Variants in ENGASE observed in about 807,000 individuals in gnomAD.
ENGASE encodes the protein cytosolic endo-beta-N-acetylglucosaminidase.
ENGASE carries 69 observed loss-of-function variants against 78.5 expected under a neutral mutation model. The ratio of observed to expected loss-of-function variants is 0.88; its 90% CI spans 0.72 to 1.07. The LOEUF is 1.07. ENGASE is among the 50% of genes least tolerant of loss of function. The pLI is 0.00. For missense variants in ENGASE, 943 were observed against 988.4 expected (o/e 0.95, Z 0.62); for synonymous variants, 408 against 408.9 (o/e 1.00, Z 0.03).
chr17:79,082,149 C>T (rs2073160120), intron 7 of ENGASE, 86 bp downstream of exon 7: 6 of 1,609,826 alleles, frequency 3.7e-6, no homozygotes, highest in African/African-American at 1.3e-5. Context: ...TTCCCGTCTG[C>T]ACCTCAAAGG....
In ENGASE at chr17:79,086,370, G is replaced by A. The variant is rs561925577; in HGVS notation, c.*21G>A. The stretch of plus-strand genomic sequence containing the variant: ...CATGAGCGGATGCTAAGGCCGGGTG[G>A]TCTCCTGGCCTCGGGCTGAGGCCTC... On this transcript the variant is annotated 3_prime_UTR_variant, in exon 14 of 14. Coordinates refer to ENST00000579016, the MANE Select transcript of ENGASE (RefSeq NM_001042573.3). 2.5e-6 allele frequency: 4 copies of A among 1,596,918 alleles called. No individual in the cohort carries two copies. Among genetic ancestry groups the A allele is most frequent in the Middle Eastern group, 1.7e-4 (1 of 5,938 alleles).
intron 11 of ENGASE, among the ~76,000 whole-genome samples, chr17:79,084,953 A>C (rs2073249307): frequency 6.6e-6 from 1 of 152,130 alleles, no homozygotes; most frequent in Non-Finnish European, 1.5e-5. Flanking sequence ...CCTGAGCTGC[A>C]CAGCCTTGCT....
In ENGASE at chr17:79,085,212, A is replaced by C. The variant is rs372072545; in HGVS notation, c.1592-22A>C. ...TTTCCTTTGAGATTCTCCTTTTTCA[A>C]GTTCCGTGTCTCCTTCTGCAGCAGA... On this transcript the variant is annotated intron_variant, in intron 11 of 13. Transcript: ENST00000579016. 1.9e-6 allele frequency: 3 copies of C among 1,589,420 alleles called. No homozygotes were observed. The African/African-American group carries it at 4.0e-5, about 21-fold the overall frequency.
chr17:79,075,855 T>C, intron 1 of ENGASE: 1 of 985,416 alleles, frequency 1.0e-6, no homozygotes, highest in Non-Finnish European at 1.2e-6. Flanking sequence ...TGGAGATGGC[T>C]CTTTCCCTCC....
In ENGASE at chr17:79,083,912, G is replaced by C. The variant is rs759841792; in HGVS notation, c.1403G>C (p.Arg468Pro). 22 of 1,611,506 alleles carry C rather than the reference G, an allele frequency of 1.4e-5. No individual in the cohort carries two copies. The highest frequency in any genetic ancestry group is 1.9e-5 in the Non-Finnish European group (22 of 1,179,886). ...CACGGAGGCAGCTCCCTGCTCGTCC[G>C]GGGTGTGATCCCACCGGAGGTTGGA... is the stretch of plus-strand genomic sequence containing the variant. Reference protein sequence around the residue: ...AWHGGSSLLVRGVIPPEVGNV... With the variant: ...AWHGGSSLLVPGVIPPEVGNV... Residue 468 changes from arginine to proline, a missense_variant, in exon 10 of 14, where the codon CGG becomes CCG. Transcript: ENST00000579016. The surrounding 1 kb of genome is among the most constrained non-coding windows in gnomAD (Gnocchi z 4.9).
chr17:79,081,378 T>C (rs879677547), intron 6 of ENGASE, among the ~76,000 whole-genome samples: 3 of 152,120 alleles, frequency 2.0e-5, no homozygotes, highest in African/African-American at 4.8e-5. Context: ...GGTGGGCACC[T>C]GTAGCCCCAG....
chr17:79,080,700 T>C (rs1204085198), intron 5 of ENGASE, among the ~76,000 whole-genome samples: 2 of 152,244 alleles, frequency 1.3e-5, no homozygotes, highest in African/African-American at 4.8e-5. Context: ...ACTCTGTCTT[T>C]TCCTGACTTC....
intron 10 of ENGASE, 177 bp downstream of exon 10, chr17:79,084,128 TTGAAG>T: frequency 6.4e-6 from 4 of 623,922 alleles, no homozygotes; most frequent in Non-Finnish European, 1.1e-5. Flanking sequence ...CTTGACCCTG[TTGAAG>T]TGAACGGTAC....
At chr17:79,075,963 G>A in intron 1 of ENGASE, 1 of 918,536 alleles carries the variant, frequency 1.1e-6, no homozygotes. Context: ...ACATCAACGA[G>A]GAAGGGGGCT....
chr17:79,080,215 A>C lies in ENGASE; in HGVS notation c.574A>C (p.Ile192Leu). 2 of 1,599,014 alleles carry C rather than the reference A, an allele frequency of 1.3e-6. No homozygotes were observed. Among genetic ancestry groups the C allele is most frequent in the South Asian group, 1.1e-5 (1 of 89,798 alleles). Residue 192 changes from isoleucine (I) to leucine (L), a missense_variant, in exon 5 of 14, where the codon ATC becomes CTC. Physicochemically the swap from Ile to Leu is conservative, Grantham distance 5 (BLOSUM62 2). Coordinates refer to ENST00000579016, the MANE Select transcript of ENGASE (RefSeq NM_001042573.3). Reference protein sequence around the residue: ...RHGVCVLGTFITEWNEGGRLC... With the variant: ...RHGVCVLGTFLTEWNEGGRLC... ...CTCTCCTATCCTCACAGGGACTTTC[A>C]TCACGGAGTGGAATGAAGGGGGAAG...
chr17:79,082,811 C>T, intron 7 of ENGASE: 1 of 1,501,100 alleles, frequency 6.7e-7, no homozygotes, highest in Non-Finnish European at 8.9e-7. Flanking sequence ...GCAGCGCTGA[C>T]CGCCTCTCCC....
rs751582334 is a variant in ENGASE, at chr17:79,086,934, G to A, written c.*585G>A. Reference sequence around the variant, plus strand: ...GAGGAGTGGGCATTCTGGGCCAGCCGGCGCTGGCTTCGTGCCTCCACGTGG... The same window carrying A: ...GAGGAGTGGGCATTCTGGGCCAGCCAGCGCTGGCTTCGTGCCTCCACGTGG... On this transcript the variant is annotated 3_prime_UTR_variant, in exon 14 of 14. Coordinates refer to ENST00000579016, the MANE Select transcript of ENGASE (RefSeq NM_001042573.3). 13 of 472,636 alleles carry A rather than the reference G, an allele frequency of 2.8e-5. No individual in the cohort carries two copies. Among genetic ancestry groups the A allele is most frequent in the East Asian group, 6.4e-5 (1 of 15,544 alleles). 29.3% of individuals were successfully genotyped at this position (472,636 alleles called of 1,614,324 possible).
In ENGASE at chr17:79,088,243, A is replaced by G. The variant is rs1021051081; in HGVS notation, c.*1894A>G. On this transcript the variant is annotated 3_prime_UTR_variant, in exon 14 of 14. Coordinates refer to ENST00000579016, the MANE Select transcript of ENGASE (RefSeq NM_001042573.3). The stretch of plus-strand genomic sequence containing the variant: ...CATTTGGAACCAGGGGGAACCAGGA[A>G]GGGGCTCCTGGCCTCTCTGTGTCCT... 6.6e-6 allele frequency: 1 copy of G among 152,028 alleles called. No homozygotes were observed. The highest frequency in any genetic ancestry group is 1.9e-4 in the East Asian group (1 of 5,182). 9.4% of individuals were successfully genotyped at this position (152,028 alleles called of 1,614,324 possible).
In ENGASE at chr17:79,085,639, C is replaced by T. The variant is rs140826563; in HGVS notation, c.1720C>T (p.Arg574Cys). 173 of 1,613,856 alleles carry T rather than the reference C, an allele frequency of 1.1e-4. 1 individual carries two copies. The African/African-American group carries it at 1.2e-3, about 11-fold the overall frequency. ...CCGTAGCTGCTACGAGGTGAGCCTG[C>T]GTGGGTGCCTGCTGCTAGACCTCCT... ...WVQHCYEVSL[R>C]GCLLLDLLVC... is the part of the protein sequence containing the mutation. Residue 574 changes from arginine to cysteine, a missense_variant, in exon 13 of 14, where the codon CGT (arginine) becomes TGT (cysteine). Physicochemically the swap from Arg to Cys is radical, Grantham distance 180. Coordinates refer to ENST00000579016, the MANE Select transcript of ENGASE (RefSeq NM_001042573.3).
At chr17:79,082,718 T>C (rs920555891) in intron 7 of ENGASE, 6 of 1,384,756 alleles carry the variant, frequency 4.3e-6, no homozygotes, top group Non-Finnish European at 5.7e-6. Context: ...ATTCTGATAA[T>C]CGAATGAGAG....
At chr17:79,079,455 G>A (rs747589127) in intron 3 of ENGASE, 34 bp from the exon 4 acceptor site, 1 of 1,600,142 alleles carries the variant, frequency 6.2e-7, no homozygotes, top group East Asian at 2.3e-5. Flanking sequence ...GGCATGAGCT[G>A]CCGTGGCCAG....
At chr17:79,082,442 A>C in intron 7 of ENGASE, 1 of 1,215,234 alleles carries the variant, frequency 8.2e-7, no homozygotes, top group Non-Finnish European at 1.0e-6. Flanking sequence ...ACTGCGGCTC[A>C]GGGGCGAGGA....
rs1424960195 is a variant in ENGASE, at chr17:79,085,646, G to A, written c.1727G>A (p.Cys576Tyr). The change falls in exon 13 of 14, where the codon TGC (cysteine) becomes TAC (tyrosine). Residue 576 changes from cysteine (C) to tyrosine (Y), a missense_variant. Cys to Tyr is a radical substitution (Grantham distance 194). Coordinates refer to ENST00000579016, the MANE Select transcript of ENGASE (RefSeq NM_001042573.3). The part of the protein sequence containing the change: ...QHCYEVSLRG[C>Y]LLLDLLVCFS... The stretch of plus-strand genomic sequence containing the variant: ...TGCTACGAGGTGAGCCTGCGTGGGT[G>A]CCTGCTGCTAGACCTCCTCGTTTGC... 2 of 1,613,944 alleles carry A rather than the reference G, an allele frequency of 1.2e-6. No homozygotes were observed. The highest frequency in any genetic ancestry group is 8.5e-7 in the Non-Finnish European group (1 of 1,180,016).
chr17:79,084,514 C>A (rs3744178), intron 10 of ENGASE, 24 bp from the exon 11 acceptor site: 72 of 1,547,232 alleles, frequency 4.7e-5, no homozygotes, highest in Non-Finnish European at 5.8e-5. Context: ...TCCACGGCAC[C>A]CATCACAGGA....
Sources: allele counts gnomAD v4.1 joint callset (sites outside exome capture counted in the v4.1 genomes callset), GRCh38; gene constraint gnomAD v4.1.1; non-coding constraint Gnocchi (gnomAD v3.1); transcripts MANE v1.5; gene names NCBI Gene and HGNC (gene_info 2026-07-23, HGNC 2026-07-21).